The following ROCK2 variants were observed in gnomAD, a reference collection of about 807,000 sequenced individuals.
ROCK2 encodes the protein Rho associated coiled-coil containing protein kinase 2.
ROCK2 carries 61 observed loss-of-function variants against 195.1 expected under a neutral mutation model. The ratio of observed to expected loss-of-function variants is 0.31; its 90% CI spans 0.25 to 0.39. The LOEUF is 0.39. Ranked by LOEUF, ROCK2 falls within the 10% of genes least tolerant of loss-of-function variation. The pLI is 1.00. For missense variants in ROCK2, 1,109 were observed against 1,637.4 expected (o/e 0.68, Z 5.57); for synonymous variants, 504 against 545.5 (o/e 0.92, Z 1.06).
chr2:11,202,207 G>T, intron 20 of ROCK2, 86 bp from the exon 21 acceptor site: 7 of 1,058,630 alleles, frequency 6.6e-6, no homozygotes, highest in Non-Finnish European at 1.0e-5. Context: ...GGGAAGCCCT[G>T]GGAGTCTCTG....
chr2:11,275,052 G>A (rs1572346796), intron 3 of ROCK2, among the ~76,000 whole-genome samples: 1 of 152,070 alleles, frequency 6.6e-6, no homozygotes, highest in East Asian at 1.9e-4. Context: ...AGGTCAGGAG[G>A]TCGAGACCAG....
At chr2:11,317,192 T>C (rs1377748388) in intron 1 of ROCK2, among the ~76,000 whole-genome samples, 2 of 151,994 alleles carry the variant, frequency 1.3e-5, no homozygotes, top group East Asian at 3.9e-4. Flanking sequence ...GTCAACATGA[T>C]AAGAAACAAA....
chr2:11,276,618 G>C (rs1489987513), intron 3 of ROCK2, among the ~76,000 whole-genome samples: 1 of 152,112 alleles, frequency 6.6e-6, no homozygotes, highest in Admixed American at 6.5e-5. Context: ...TGCAAACCCT[G>C]TAACTCCAAT....
At chr2:11,277,470 C>A (rs978176921) in intron 3 of ROCK2, among the ~76,000 whole-genome samples, 4 of 152,066 alleles carry the variant, frequency 2.6e-5, no homozygotes, top group Non-Finnish European at 5.9e-5. Flanking sequence ...AGTCTTTTAT[C>A]CCTTGCACCC....
chr2:11,290,300 T>G (rs1217662894), intron 1 of ROCK2, among the ~76,000 whole-genome samples: 1 of 152,108 alleles, frequency 6.6e-6, no homozygotes, highest in Admixed American at 6.6e-5. Flanking sequence ...TGTGATTATT[T>G]TCTTTAAGTG....
At chr2:11,285,369 A>G (rs1667152014) in intron 3 of ROCK2, among the ~76,000 whole-genome samples, 1 of 152,146 alleles carries the variant, frequency 6.6e-6, no homozygotes, top group Non-Finnish European at 1.5e-5. Context: ...CCTCCTTGGA[A>G]TAAAACTAGT....
At chr2:11,305,583 A>C (rs1261360837) in intron 1 of ROCK2, among the ~76,000 whole-genome samples, 1 of 152,172 alleles carries the variant, frequency 6.6e-6, no homozygotes, top group Non-Finnish European at 1.5e-5. Context: ...TCTTGGTTTT[A>C]AAATACTACT....
In ROCK2 at chr2:11,197,103, G is replaced by T; in HGVS notation, c.3448+77C>A. On this transcript the variant is annotated intron_variant, in intron 27 of 32. Coordinates refer to ENST00000315872, the MANE Select transcript of ROCK2 (RefSeq NM_004850.5). This position sits in a 1 kb window ranked among gnomAD's most constrained non-coding sequence, Gnocchi z 4.9. ...AAATTACAAACATTTTTCCTTCAGAGCAGTCAGTCGCAAGACTTAAAACAA... is the reference window on the plus strand; with the variant it reads ...AAATTACAAACATTTTTCCTTCAGATCAGTCAGTCGCAAGACTTAAAACAA... 1.0e-6 allele frequency: 1 copy of T among 955,934 alleles called. No individual in the cohort carries two copies. Among genetic ancestry groups the T allele is most frequent in the Non-Finnish European group, 1.5e-6 (1 of 678,768 alleles). The allele number at this position is 955,934 out of a possible 1,614,324, so 59.2% of individuals were successfully genotyped here. A position where few individuals can be genotyped will look rare whatever the true frequency, so the allele number is the denominator to read the frequency against.
Position 11,328,524 on chromosome 2 carries a change from G to A in ROCK2, c.141+15472C>T, listed in dbSNP as rs552005914. Among the ~76,000 whole-genome samples, 11 of 152,246 alleles carry A rather than the reference G, an allele frequency of 7.2e-5. No individual in the cohort carries two copies. The South Asian group carries it at 2.3e-3, about 32-fold the overall frequency. On this transcript the variant is annotated intron_variant, in intron 1 of 32. Transcript: ENST00000315872. ...AGTCCTATAAATTACTCACAATCAA[G>A]AAGATAATCACTAGAACATCTCATT...
intron 3 of ROCK2, among the ~76,000 whole-genome samples, chr2:11,253,187 A>C (rs1344827867): frequency 6.6e-6 from 1 of 152,084 alleles, no homozygotes; most frequent in Non-Finnish European, 1.5e-5. Context: ...AAAGAAGAAG[A>C]AATCAAGCAC....
In ROCK2 at chr2:11,344,437, A is replaced by G; in HGVS notation, c.-301T>C. ...CCGCTGGTCCTCAGCGAGTGCCCGC[A>G]GGAGTCCTCGGGCGGGAGCAGGGAA... is the stretch of plus-strand genomic sequence containing the variant. On this transcript the variant is annotated 5_prime_UTR_variant, in exon 1 of 33. Transcript: ENST00000315872. This position sits in a 1 kb window ranked among gnomAD's most constrained non-coding sequence, Gnocchi z 5.4. The G allele has an allele frequency of 9.6e-7, 1 of 1,041,816 alleles. No individual in the cohort carries two copies. The highest frequency in any genetic ancestry group is 1.2e-6 in the Non-Finnish European group (1 of 867,952). 64.5% of individuals were successfully genotyped at this position (1,041,816 alleles called of 1,614,324 possible). A position where few individuals can be genotyped will look rare whatever the true frequency, so the allele number is the denominator to read the frequency against.
rs1038119954 is a variant in ROCK2, at chr2:11,180,491, C to A, written c.*2946G>T. ...ATTTTTAAAACTTGTTTCTAGAGAA[C>A]ATGGTTTTTTAAAATTAATACTTTA... is the stretch of plus-strand genomic sequence containing the variant. On this transcript the variant is annotated 3_prime_UTR_variant, in exon 33 of 33. Coordinates refer to ENST00000315872, the MANE Select transcript of ROCK2 (RefSeq NM_004850.5). 1 of 152,146 alleles carries A rather than the reference C, an allele frequency of 6.6e-6. No individual in the cohort carries two copies. Among genetic ancestry groups the A allele is most frequent in the Non-Finnish European group, 1.5e-5 (1 of 68,024 alleles). The allele number at this position is 152,146 out of a possible 1,614,324, so 9.4% of individuals were successfully genotyped here.
chr2:11,201,317 C>T lies in ROCK2; in HGVS notation c.2716G>A (p.Asp906Asn). 1.2e-6 allele frequency: 2 copies of T among 1,606,310 alleles called. No individual in the cohort carries two copies. The highest frequency in any genetic ancestry group is 1.7e-6 in the Non-Finnish European group (2 of 1,173,344). The change falls in exon 22 of 33, where the codon GAT becomes AAT. Residue 906 changes from aspartate (D) to asparagine (N), a missense_variant. This residue lies in a region of ROCK2 where 542 missense variants were observed against 672.0 expected (regional missense o/e 0.81). Transcript: ENST00000315872. The surrounding 1 kb of genome is among the most constrained non-coding windows in gnomAD (Gnocchi z 4.6). ...CAAGGGTCTCATACTTACCGTTCAT[C>T]CTGTAATTCCTGTTTCTTCTGCTGC... Reference protein sequence around the residue: ...ELQQKKQELQDERDSLAAQLE... With the variant: ...ELQQKKQELQNERDSLAAQLE...
At chr2:11,322,252 A>T (rs1668423603) in intron 1 of ROCK2, among the ~76,000 whole-genome samples, 1 of 152,162 alleles carries the variant, frequency 6.6e-6, no homozygotes, top group African/African-American at 2.4e-5. Context: ...TCAAAAATCG[A>T]GGTGTTAACA....
At chr2:11,317,854 G>C (rs1668273494) in intron 1 of ROCK2, among the ~76,000 whole-genome samples, 1 of 151,144 alleles carries the variant, frequency 6.6e-6, no homozygotes, top group Admixed American at 6.6e-5. Flanking sequence ...CTACGAGTGA[G>C]AATATGCGGT....
chr2:11,236,832 T>C (rs1572284607), intron 4 of ROCK2, among the ~76,000 whole-genome samples: 1 of 152,272 alleles, frequency 6.6e-6, no homozygotes, highest in Admixed American at 6.5e-5. Flanking sequence ...AAATGTTTAA[T>C]AGGACAAACC....
chr2:11,203,721 G>A (rs1186408647), intron 20 of ROCK2, among the ~76,000 whole-genome samples: 3 of 152,110 alleles, frequency 2.0e-5, no homozygotes, highest in African/African-American at 7.2e-5. Flanking sequence ...TCACTTAACT[G>A]TGTCATTTCT....
chr2:11,341,081 CAA>C (rs10714343), intron 1 of ROCK2, among the ~76,000 whole-genome samples: 32 of 149,058 alleles, frequency 2.1e-4, no homozygotes, highest in Admixed American at 2.0e-4. Flanking sequence ...GACTCGCCTC[CAA>C]AAAAAAAAAG....
chr2:11,261,818 C>CT (rs1470790250), intron 3 of ROCK2, among the ~76,000 whole-genome samples: 1 of 152,166 alleles, frequency 6.6e-6, no homozygotes, highest in East Asian at 1.9e-4. Flanking sequence ...GAGCAAGACT[C>CT]TGTCTTAAAT....
Sources: gnomAD v4.1 joint callset for allele counts (sites outside exome capture counted in the v4.1 genomes callset) on GRCh38, gnomAD v4.1.1 for gene constraint, gnomAD v4.1.1 regional missense constraint, Gnocchi (gnomAD v3.1) non-coding constraint, MANE v1.5 for transcripts, NCBI Gene and HGNC (gene_info 2026-07-23, HGNC 2026-07-21) for gene names.